The following TENM2 variants were observed in gnomAD, a reference collection of about 807,000 sequenced individuals.
TENM2 encodes teneurin transmembrane protein 2, also known as teneurin-2.
A neutral mutation model predicts 245.2 loss-of-function variants in TENM2; 52 were observed. The observed-to-expected ratio is 0.21, with a 90% CI of 0.17 to 0.27. The LOEUF (loss-of-function observed/expected upper bound fraction) is 0.27, where lower values mean the gene tolerates loss of function less well. Among genes scored for constraint, TENM2 ranks in the 10% least tolerant of loss-of-function variants. TENM2 has a pLI of 1.00. For missense variants in TENM2, 3,046 were observed against 3,666.8 expected (o/e 0.83, Z 4.37); for synonymous variants, 1,363 against 1,438.9 (o/e 0.95, Z 1.19).
intron 1 of TENM2, among the ~76,000 whole-genome samples, chr5:167,339,696 A>G (rs563353591): frequency 1.4e-4 from 21 of 152,062 alleles, no homozygotes; most frequent in Non-Finnish European, 2.8e-4. Context: ...TAATGTGTTG[A>G]AAACCTAATC....
chr5:168,151,536 G>A (rs886583708), intron 12 of TENM2, among the ~76,000 whole-genome samples: 2 of 152,168 alleles, frequency 1.3e-5, no homozygotes, highest in African/African-American at 2.4e-5. Context: ...AAATGTCAGC[G>A]ACCCTCTGGG....
chr5:167,371,838 T>G (rs574256653), intron 1 of TENM2, among the ~76,000 whole-genome samples: 18 of 152,242 alleles, frequency 1.2e-4, no homozygotes, highest in African/African-American at 4.3e-4. Flanking sequence ...ATTTGTTGAG[T>G]GATTTAATAA....
At chr5:167,882,442 C>G (rs1189882970) in intron 3 of TENM2, among the ~76,000 whole-genome samples, 2 of 152,182 alleles carry the variant, frequency 1.3e-5, no homozygotes. Flanking sequence ...TGATTCACAG[C>G]ATGATTTTTG....
intron 2 of TENM2, among the ~76,000 whole-genome samples, chr5:167,646,909 A>AT: frequency 6.6e-6 from 1 of 152,316 alleles, no homozygotes; most frequent in South Asian, 2.1e-4. Flanking sequence ...CTAAAGCAGG[A>AT]TAACAGTTGT....
intron 3 of TENM2, among the ~76,000 whole-genome samples, chr5:167,899,506 C>T (rs1775515514): frequency 6.6e-6 from 1 of 152,250 alleles, no homozygotes; most frequent in Admixed American, 6.5e-5. Context: ...TCAACAACAA[C>T]TCTCCAAGTA....
chr5:167,788,065 C>G (rs1764702883), intron 2 of TENM2, among the ~76,000 whole-genome samples: 1 of 152,142 alleles, frequency 6.6e-6, no homozygotes, highest in Non-Finnish European at 1.5e-5. Flanking sequence ...AAGGAATTTT[C>G]TGTTTTCCAA....
chr5:167,265,331 C>CAA, the TENM2 span, among the ~76,000 whole-genome samples: 262 of 39,302 alleles, frequency 6.7e-3, 19 homozygotes, highest in African/African-American at 0.016. Flanking sequence ...GACTCTGTCT[C>CAA]AAAAAAAAAA....
chr5:167,731,705 T>C (rs1255608773), intron 2 of TENM2, among the ~76,000 whole-genome samples: 1 of 151,642 alleles, frequency 6.6e-6, no homozygotes, highest in Non-Finnish European at 1.5e-5. Context: ...AGGTTTTTTT[T>C]TTTTTTTTTT....
At chr5:168,103,576 A>T (rs188683736) in intron 9 of TENM2, among the ~76,000 whole-genome samples, 1 of 152,008 alleles carries the variant, frequency 6.6e-6, no homozygotes, top group African/African-American at 2.4e-5. Context: ...GGTCTGTCTG[A>T]TATTTTCCGG....
At chr5:168,082,726 C>G (rs954939555) in intron 7 of TENM2, among the ~76,000 whole-genome samples, 2 of 152,146 alleles carry the variant, frequency 1.3e-5, no homozygotes, top group African/African-American at 4.8e-5. Context: ...CACTCCAGAC[C>G]CTGTTTGCCT....
chr5:168,263,765 G>C (rs1768417494), downstream of TENM2: 1 of 152,530 alleles, frequency 6.6e-6, no homozygotes, highest in African/African-American at 2.4e-5. Flanking sequence ...TAGAGGTGCA[G>C]CATCGTGACA....
chr5:167,362,202 C>G (rs778580278), intron 1 of TENM2, among the ~76,000 whole-genome samples: 1 of 152,190 alleles, frequency 6.6e-6, no homozygotes, highest in Admixed American at 6.5e-5. Context: ...CAATTATCCT[C>G]TCCCTGCTTA....
At chr5:167,105,875 G>A in the TENM2 span, among the ~76,000 whole-genome samples, 3 of 94,070 alleles carry the variant, frequency 3.2e-5, no homozygotes, top group Non-Finnish European at 5.6e-5. Flanking sequence ...GCGACAGAGC[G>A]AGACTCCGTC....
chr5:167,796,257 T>C (rs1765308467), intron 2 of TENM2, among the ~76,000 whole-genome samples: 2 of 152,200 alleles, frequency 1.3e-5, no homozygotes. Context: ...TGTGTTATCC[T>C]GCCTCTGACC....
the TENM2 span, among the ~76,000 whole-genome samples, chr5:166,989,252 CTTTTTTTTTT>C: frequency 1.8e-5 from 1 of 56,960 alleles, no homozygotes; most frequent in African/African-American, 8.5e-5. Flanking sequence ...CCAAGCTAAT[CTTTTTTTTTT>C]TTTTTTTTTT....
chr5:168,139,029 T>C (rs553722286), intron 12 of TENM2, among the ~76,000 whole-genome samples: 18 of 152,354 alleles, frequency 1.2e-4, no homozygotes, highest in African/African-American at 4.1e-4. Context: ...TTTCTATCAA[T>C]AATGTTTGGT....
chr5:167,645,603 T>TC (rs1254959157), intron 2 of TENM2, among the ~76,000 whole-genome samples: 1 of 150,884 alleles, frequency 6.6e-6, no homozygotes, highest in Admixed American at 6.6e-5. Context: ...TTTTTTTTTT[T>TC]CAGTAAACAT....
At chr5:168,254,287 C>T (rs187525505) in intron 27 of TENM2, among the ~76,000 whole-genome samples, 6 of 152,326 alleles carry the variant, frequency 3.9e-5, no homozygotes, top group Non-Finnish European at 2.9e-5. Flanking sequence ...CCAGATAACA[C>T]CAATTACTTC....
At chr5:168,147,289 A>G (rs1756180630) in intron 12 of TENM2, among the ~76,000 whole-genome samples, 2 of 152,264 alleles carry the variant, frequency 1.3e-5, no homozygotes, top group South Asian at 4.1e-4. Context: ...GAACTGAGTT[A>G]TAGTTGCTGT....
Sources: gnomAD v4.1 joint callset for allele counts (sites outside exome capture counted in the v4.1 genomes callset) on GRCh38, gnomAD v4.1.1 for gene constraint, MANE v1.5 for transcripts, NCBI Gene and HGNC (gene_info 2026-07-23, HGNC 2026-07-21) for gene names.